The following CRYBB1 variants were observed in gnomAD, a reference collection of about 807,000 sequenced individuals.
CRYBB1 encodes the protein beta-crystallin B1.
Under a neutral mutation model 29.5 loss-of-function variants are expected in CRYBB1, and 16 were observed. The observed-to-expected ratio is 0.54, with a 90% CI of 0.37 to 0.82. The LOEUF (loss-of-function observed/expected upper bound fraction) is 0.82. Among genes scored for constraint, CRYBB1 ranks in the 40% least tolerant of loss-of-function variants. The pLI is 0.00. For missense variants in CRYBB1, 300 were observed against 350.5 expected, an observed-to-expected ratio of 0.86 and a Z score of 1.15; for synonymous variants, 127 against 136.7, an observed-to-expected ratio of 0.93 and a Z score of 0.49.
In CRYBB1 at chr22:26,608,007, T is replaced by C; in HGVS notation, c.314A>G (p.Glu105Gly). The change falls in exon 4 of 6, where the codon GAG (glutamate) becomes GGG (glycine). Residue 105 changes from glutamate (E) to glycine (G), a missense_variant. Glu to Gly is a moderately conservative substitution (Grantham distance 98). Coordinates refer to ENST00000647684, the MANE Select transcript of CRYBB1 (RefSeq NM_001887.4). ...IVSAGPWVAF[E>G]QSNFRGEMFI... ...CATCTCCCCGCGGAAGTTGGACTGC[T>C]CAAAGGCGACCCAGCTGGATACAAG... is the stretch of plus-strand genomic sequence containing the variant. 1.9e-6 allele frequency: 3 copies of C among 1,614,140 alleles called. No individual in the cohort carries two copies. Among genetic ancestry groups the C allele is most frequent in the Non-Finnish European group, 2.5e-6 (3 of 1,180,042 alleles).
At chr22:26,601,212 C>T (rs1213131921) in intron 5 of CRYBB1, among the ~76,000 whole-genome samples, 1 of 152,190 alleles carries the variant, frequency 6.6e-6, no homozygotes, top group Non-Finnish European at 1.5e-5. Flanking sequence ...TCAAGGGTGT[C>T]TGGCATGGTC....
intron 3 of CRYBB1, 72 bp downstream of exon 3, chr22:26,612,000 G>A: frequency 8.9e-7 from 1 of 1,121,044 alleles, no homozygotes; most frequent in Non-Finnish European, 1.4e-6. Context: ...AGATGCTGGA[G>A]AAATGGCAGC....
intron 5 of CRYBB1, among the ~76,000 whole-genome samples, chr22:26,600,285 C>A (rs1928781058): frequency 6.6e-6 from 1 of 151,912 alleles, no homozygotes; most frequent in Non-Finnish European, 1.5e-5. Context: ...ACCTGTAGTC[C>A]CAGCTACTCG....
At chr22:26,615,521 T>TC (rs1380678527) in intron 2 of CRYBB1, among the ~76,000 whole-genome samples, 10 of 151,062 alleles carry the variant, frequency 6.6e-5, no homozygotes, top group Non-Finnish European at 3.0e-5. Context: ...TCTATTCTTT[T>TC]CTTTTTTTTT....
At position 26,599,463 on chromosome 22, in the gene CRYBB1, G is replaced by T. The variant is rs748482040; in HGVS notation, c.*27C>A. On this transcript the variant is annotated 3_prime_UTR_variant, in exon 6 of 6. Transcript: ENST00000647684. ...ATAATTGAACATGAAGAAGGGTTGG[G>T]GCAAGGTAGCAGAGTGAGGTGTGGA... 74 of 1,593,386 alleles carry T rather than the reference G, an allele frequency of 4.6e-5. No homozygotes were observed. Among genetic ancestry groups the T allele is most frequent in the Non-Finnish European group, 6.1e-5 (71 of 1,165,250 alleles).
intron 4 of CRYBB1, among the ~76,000 whole-genome samples, chr22:26,602,909 G>T (rs929929702): frequency 1.3e-5 from 2 of 150,876 alleles, no homozygotes; most frequent in Non-Finnish European, 3.0e-5. Context: ...AGATCATGTG[G>T]TCAGGAGATC....
intron 3 of CRYBB1, among the ~76,000 whole-genome samples, chr22:26,608,397 CTT>C (rs1432016259): frequency 2.0e-5 from 3 of 151,206 alleles, no homozygotes; most frequent in Non-Finnish European, 4.4e-5. Flanking sequence ...ACATTTGAAA[CTT>C]GACGCCAGCT....
rs114923590 is a variant in CRYBB1 at position 26,607,755 on chromosome 22, G to A, written c.432+134C>T. On this transcript the variant is annotated intron_variant, in intron 4 of 5. Coordinates refer to ENST00000647684, the MANE Select transcript of CRYBB1 (RefSeq NM_001887.4). The stretch of plus-strand genomic sequence containing the variant: ...GAATTGATGAGCTCAAGAATCCACG[G>A]TCCTTTGACAACTCGGAGGCTGCCA... The A allele has an allele frequency of 6.6e-4, 786 of 1,195,324 alleles. 3 individuals carry two copies. The African/African-American group carries it at 0.011, about 16-fold the overall frequency. The allele number at this position is 1,195,324 out of a possible 1,614,324, so 74.0% of individuals were successfully genotyped here.
chr22:26,612,251 G>A (rs1056748574), intron 2 of CRYBB1, 61 bp from the exon 3 acceptor site: 20 of 1,114,328 alleles, frequency 1.8e-5, no homozygotes, highest in Non-Finnish European at 1.7e-5. Flanking sequence ...AATTCATTAA[G>A]TATCTACATA....
intron 3 of CRYBB1, among the ~76,000 whole-genome samples, chr22:26,611,726 G>A (rs988888237): frequency 2.0e-5 from 3 of 151,892 alleles, no homozygotes; most frequent in Non-Finnish European, 2.9e-5. Flanking sequence ...CACCCGCCTC[G>A]GCCTCCCAAA....
intron 4 of CRYBB1, among the ~76,000 whole-genome samples, chr22:26,605,400 G>A (rs7290642): frequency 0.058 from 8,791 of 152,198 alleles, 619 homozygotes; most frequent in African/African-American, 0.17. Flanking sequence ...CTGGTTGGGC[G>A]CACTGGCTCA....
chr22:26,611,901 G>A (rs1449812797), intron 3 of CRYBB1, among the ~76,000 whole-genome samples, 171 bp downstream of exon 3: 1 of 152,190 alleles, frequency 6.6e-6, no homozygotes, highest in East Asian at 1.9e-4. Flanking sequence ...CGTAAAATGA[G>A]ATTGAGAACA....
chr22:26,612,253 A>G lies in CRYBB1; in HGVS notation c.181-63T>C. On this transcript the variant is annotated intron_variant, in intron 2 of 5. Transcript: ENST00000647684. ...GGGGGGAGTCAAAAATTCATTAAGT[A>G]TCTACATAAATAAAAGCCAGCAGTG... is the stretch of plus-strand genomic sequence containing the variant. 5 of 1,091,216 alleles carry G rather than the reference A, an allele frequency of 4.6e-6. No individual in the cohort carries two copies. In the South Asian group the frequency reaches 5.0e-5, roughly 11 times the overall value. The allele number at this position is 1,091,216 out of a possible 1,614,324, so 67.6% of individuals were successfully genotyped here.
At chr22:26,599,750 CT>C in intron 5 of CRYBB1, 77 bp from the exon 6 acceptor site, 2 of 1,155,820 alleles carry the variant, frequency 1.7e-6, no homozygotes, top group South Asian at 1.2e-5. Context: ...CCAGACCAGC[CT>C]GTCCTTCATT....
chr22:26,605,953 A>G (rs770705391), intron 4 of CRYBB1, among the ~76,000 whole-genome samples: 39 of 152,222 alleles, frequency 2.6e-4, no homozygotes, highest in Non-Finnish European at 2.2e-4. Context: ...CATGTGGCTC[A>G]GGATGGCTTT....
chr22:26,603,688 A>G, intron 4 of CRYBB1, among the ~76,000 whole-genome samples: 1 of 151,568 alleles, frequency 6.6e-6, no homozygotes, highest in Non-Finnish European at 1.5e-5. Flanking sequence ...GTGGGATCAC[A>G]AGGTCAGGAG....
chr22:26,612,130 A>T lies in CRYBB1; in HGVS notation c.241T>A (p.Ser81Thr), dbSNP rs1929191607. 1 of 1,613,842 alleles carries T rather than the reference A, an allele frequency of 6.2e-7. No homozygotes were observed. The change falls in exon 3 of 6, where the codon TCA becomes ACA. Residue 81 changes from serine to threonine, a missense_variant. Ser to Thr is a moderately conservative substitution (Grantham distance 58, BLOSUM62 1). Coordinates refer to ENST00000647684, the MANE Select transcript of CRYBB1 (RefSeq NM_001887.4). ...GRRAEFSGEC[S>T]NLADRGFDRV... Reference sequence around the variant, plus strand: ...TCGAAGCCACGGTCTGCCAGATTTGAGCACTCCCCCGAGAATTCTGCTCGA... The same window carrying T: ...TCGAAGCCACGGTCTGCCAGATTTGTGCACTCCCCCGAGAATTCTGCTCGA...
chr22:26,614,719 C>T (rs192432083), intron 2 of CRYBB1, among the ~76,000 whole-genome samples: 10 of 152,232 alleles, frequency 6.6e-5, no homozygotes, highest in South Asian at 6.2e-4. Context: ...CGGCCAGTTG[C>T]GGTGGCTCAC....
At chr22:26,610,087 G>A (rs1168047586) in intron 3 of CRYBB1, among the ~76,000 whole-genome samples, 1 of 152,114 alleles carries the variant, frequency 6.6e-6, no homozygotes, top group Non-Finnish European at 1.5e-5. Flanking sequence ...ATCTTCTTCA[G>A]CAGGACCAGT....
Sources: allele counts gnomAD v4.1 joint callset (sites outside exome capture counted in the v4.1 genomes callset), GRCh38; gene constraint gnomAD v4.1.1; transcripts MANE v1.5; gene names NCBI Gene and HGNC (gene_info 2026-07-23, HGNC 2026-07-21).